The following PLB1 variants were observed in gnomAD, a reference collection of about 807,000 sequenced individuals.
PLB1 encodes phospholipase B1, membrane-associated.
Under a neutral mutation model 227.4 loss-of-function variants are expected in PLB1, and 242 were observed. That is an observed-to-expected ratio of 1.06 (90% confidence interval 0.96 to 1.18). The LOEUF (loss-of-function observed/expected upper bound fraction) is 1.18, where lower values mean the gene tolerates loss of function less well. Among genes scored for constraint, PLB1 ranks in the 50% most tolerant of loss-of-function variants. The pLI is 0.00. For synonymous variants in PLB1, 757 were observed against 682.2 expected, an observed-to-expected ratio of 1.11 and a Z score of -1.71; for missense variants, 1,858 against 1,816.3, an observed-to-expected ratio of 1.02 and a Z score of -0.42.
chr2:28,560,437 G>A (rs1452004052), intron 17 of PLB1, among the ~76,000 whole-genome samples: 1 of 152,176 alleles, frequency 6.6e-6, no homozygotes, highest in Non-Finnish European at 1.5e-5. Flanking sequence ...GTAGGTAGAT[G>A]TAGTACCTGT....
chr2:28,593,445 T>TC (rs1682340919), intron 32 of PLB1, among the ~76,000 whole-genome samples: 1 of 152,128 alleles, frequency 6.6e-6, no homozygotes, highest in Non-Finnish European at 1.5e-5. Context: ...CCCAAAACAC[T>TC]CCCTGTGAGA....
intron 56 of PLB1, among the ~76,000 whole-genome samples, chr2:28,638,827 G>GAA (rs35972276): frequency 0.022 from 1,411 of 63,378 alleles, 21 homozygotes; most frequent in East Asian, 0.044. Context: ...GCTGGAGATT[G>GAA]AAAAAAAAAA....
intron 1 of PLB1, among the ~76,000 whole-genome samples, chr2:28,507,985 G>A (rs1163547344): frequency 1.3e-5 from 2 of 152,202 alleles, no homozygotes; most frequent in Non-Finnish European, 2.9e-5. Context: ...TCTTTGGCCA[G>A]CATTCCTGAT....
chr2:28,601,056 C>G (rs1020583288), intron 36 of PLB1, among the ~76,000 whole-genome samples, 196 bp downstream of exon 36: 1 of 138,342 alleles, frequency 7.2e-6, no homozygotes, highest in African/African-American at 3.5e-5. Context: ...CTGGGTACAG[C>G]GACACTGAAA....
Position 28,632,127 on chromosome 2 carries a change from C to T in PLB1, c.3989C>T (p.Thr1330Ile), listed in dbSNP as rs756004861. Residue 1330 changes from threonine (T) to isoleucine (I), a missense_variant, in exon 55 of 58, where the codon ACC becomes ATC. Physicochemically the swap from Thr to Ile is moderately conservative, Grantham distance 89 (BLOSUM62 -1). Transcript: ENST00000327757. ...VVQPFFQNTLTPLNERGDTDL... is the reference protein window; with the variant it reads ...VVQPFFQNTLIPLNERGDTDL... ...CAGCCTTTCTTCCAAAACACACTCACCCCACTGAACGAGGTGAGCTGCAGG... is the reference window on the plus strand; with the variant it reads ...CAGCCTTTCTTCCAAAACACACTCATCCCACTGAACGAGGTGAGCTGCAGG... 8 of 1,613,450 alleles carry T rather than the reference C, an allele frequency of 5.0e-6. No homozygotes were observed. In the South Asian group the frequency reaches 6.6e-5, roughly 13 times the overall value.
intron 25 of PLB1, among the ~76,000 whole-genome samples, chr2:28,584,681 C>T (rs1462411633): frequency 6.6e-6 from 1 of 152,244 alleles, no homozygotes; most frequent in Non-Finnish European, 1.5e-5. Context: ...CCTGCACTCC[C>T]CGCCTCTCCA....
chr2:28,620,494 A>G, intron 47 of PLB1, 106 bp from the exon 48 acceptor site: 1 of 1,427,472 alleles, frequency 7.0e-7, no homozygotes, highest in East Asian at 2.5e-5. Context: ...GATGGGAGAG[A>G]CGCCCCAGGG....
chr2:28,640,902 C>T (rs375490239), intron 56 of PLB1, 25 bp from the exon 57 acceptor site: 474 of 1,602,008 alleles, frequency 3.0e-4, no homozygotes, highest in Non-Finnish European at 3.8e-4. Flanking sequence ...TGGAGAGAAT[C>T]GAGGTGTCCT....
At chr2:28,517,716 ATTAC>A (rs889274051) in intron 2 of PLB1, among the ~76,000 whole-genome samples, 7 of 152,278 alleles carry the variant, frequency 4.6e-5, no homozygotes, top group African/African-American at 7.2e-5. Context: ...TTGAGTCTTA[ATTAC>A]TTCTTTTCCT....
chr2:28,630,759 A>T (rs1177880263), intron 54 of PLB1, 95 bp downstream of exon 54: 1 of 990,000 alleles, frequency 1.0e-6, no homozygotes, highest in Non-Finnish European at 1.5e-6. Context: ...TGTGGCCAAG[A>T]GCAAGCCACT....
Position 28,629,165 on chromosome 2 carries a change from A to G in PLB1, c.3798A>G (p.Lys1266=). 2 of 1,613,860 alleles carry G rather than the reference A, an allele frequency of 1.2e-6. No individual in the cohort carries two copies. The highest frequency in any genetic ancestry group is 1.7e-6 in the Non-Finnish European group (2 of 1,179,884). ...GCCTGTACCAGGGCCAAGGCGGGAAATGTGCCATGCTGGCAGCTCAGTAAG... is the reference window on the plus strand; with the variant it reads ...GCCTGTACCAGGGCCAAGGCGGGAAGTGTGCCATGCTGGCAGCTCAGTAAG... ...LASLYQGQGG[K]CAMLAAQNNC... is the part of the protein sequence containing the mutation. Residue 1266 remains lysine, a synonymous_variant, in exon 53 of 58, where the codon AAA becomes AAG. Transcript: ENST00000327757.
At chr2:28,623,124 G>A (rs1490496136) in intron 49 of PLB1, among the ~76,000 whole-genome samples, 1 of 152,192 alleles carries the variant, frequency 6.6e-6, no homozygotes, top group African/African-American at 2.4e-5. Context: ...ACCCAGAAGG[G>A]ACCCCTGAAA....
At chr2:28,579,568 GT>G in intron 22 of PLB1, 58 bp from the exon 23 acceptor site, 1 of 1,397,774 alleles carries the variant, frequency 7.2e-7, no homozygotes, top group South Asian at 1.2e-5. Context: ...AGCATTTTGT[GT>G]TTTCCTTGAC....
rs559729370 is a variant in PLB1 at position 28,580,481 on chromosome 2, G to A, written c.1566+774G>A. 4.6e-5 allele frequency among the ~76,000 whole-genome samples: 7 copies of A among 152,318 alleles called. No individual in the cohort carries two copies. The South Asian group carries it at 6.2e-4, about 14-fold the overall frequency. ...TGTAATCCCAGCACTTCGGGAGGCC[G>A]AGGCAGGCAGATTACCTGAGGTCAG... On this transcript the variant is annotated intron_variant, in intron 23 of 57. Coordinates refer to ENST00000327757, the MANE Select transcript of PLB1 (RefSeq NM_153021.5).
intron 51 of PLB1, among the ~76,000 whole-genome samples, chr2:28,627,429 G>A (rs768620944): frequency 7.9e-5 from 12 of 152,182 alleles, no homozygotes; most frequent in Admixed American, 7.2e-4. Context: ...TGTTCTTCAT[G>A]GGAACAGTCA....
At chr2:28,604,438 A>G (rs1294580488) in intron 40 of PLB1, among the ~76,000 whole-genome samples, 1 of 152,146 alleles carries the variant, frequency 6.6e-6, no homozygotes, top group Non-Finnish European at 1.5e-5. Flanking sequence ...CCCTTCAGAG[A>G]GAGTAGTCTA....
At chr2:28,591,102 G>T (rs751986619) in intron 29 of PLB1, 31 bp from the exon 30 acceptor site, 1 of 1,614,014 alleles carries the variant, frequency 6.2e-7, no homozygotes, top group Non-Finnish European at 8.5e-7. Context: ...AGCAGAATTT[G>T]CTGCCATTGC....
chr2:28,550,967 C>G (rs1446969597), intron 16 of PLB1, among the ~76,000 whole-genome samples: 1 of 152,200 alleles, frequency 6.6e-6, no homozygotes, highest in African/African-American at 2.4e-5. Context: ...TGGCCATCCC[C>G]TGGGTGCCTG....
intron 5 of PLB1, 137 bp downstream of exon 5, chr2:28,525,444 C>T: frequency 1.0e-6 from 1 of 973,796 alleles, no homozygotes; most frequent in Non-Finnish European, 1.5e-6. Context: ...GAGAAGGTAG[C>T]AGAGAAGCTC....
Sources: gnomAD v4.1 joint callset for allele counts (sites outside exome capture counted in the v4.1 genomes callset) on GRCh38, gnomAD v4.1.1 for gene constraint, MANE v1.5 for transcripts, NCBI Gene and HGNC (gene_info 2026-07-23, HGNC 2026-07-21) for gene names.